CCDC171: variants seen among roughly 807,000 people sequenced by gnomAD.
CCDC171 encodes coiled-coil domain containing 171.
A neutral mutation model predicts 168.2 loss-of-function variants in CCDC171; 177 were observed. That is an observed-to-expected ratio of 1.05 (90% CI 0.93 to 1.19). The LOEUF (loss-of-function observed/expected upper bound fraction) is 1.19, where lower values mean the gene tolerates loss of function less well. CCDC171 is among the 50% of genes most tolerant of loss of function. The pLI, the probability that CCDC171 is intolerant of heterozygous loss-of-function variation, is 0.00. For synonymous variants in CCDC171, 687 were observed against 540.8 expected, an observed-to-expected ratio of 1.27 and a Z score of -3.75; for missense variants, 1,991 against 1,539.0, an observed-to-expected ratio of 1.29 and a Z score of -4.91.
At chr9:16,100,003 T>TAA in the CCDC171 span, among the ~76,000 whole-genome samples, 3,225 of 145,704 alleles carry the variant, frequency 0.022, 109 homozygotes, top group African/African-American at 0.077. Flanking sequence ...GCTTTCAAGT[T>TAA]AAAAAAAAAA....
intron 1 of CCDC171, among the ~76,000 whole-genome samples, chr9:16,053,422 G>A (rs1833783280): frequency 6.6e-6 from 1 of 152,248 alleles, no homozygotes; most frequent in Admixed American, 6.5e-5. Flanking sequence ...AGGCAAGTAA[G>A]GGCTCACATG....
At chr9:15,792,984 G>C (rs568010342) in intron 21 of CCDC171, among the ~76,000 whole-genome samples, 3 of 152,056 alleles carry the variant, frequency 2.0e-5, no homozygotes, top group Admixed American at 6.6e-5. Flanking sequence ...TATTAACCTT[G>C]AATGTAAATG....
chr9:15,761,293 A>T (rs2056433235), intron 18 of CCDC171, among the ~76,000 whole-genome samples: 1 of 152,168 alleles, frequency 6.6e-6, no homozygotes, highest in South Asian at 2.1e-4. Flanking sequence ...TTTCAAGCAA[A>T]CTAAGCCTAG....
At chr9:15,983,817 A>AGTGTGT (rs58951910) in intron 3 of CCDC171, among the ~76,000 whole-genome samples, 3,774 of 142,426 alleles carry the variant, frequency 0.026, 133 homozygotes, top group Admixed American at 0.096. Flanking sequence ...AAATAAAGAG[A>AGTGTGT]GTGTGTGTGT....
intron 6 of CCDC171, among the ~76,000 whole-genome samples, chr9:16,026,258 G>A (rs183052662): frequency 1.0e-3 from 159 of 152,242 alleles, no homozygotes; most frequent in African/African-American, 3.6e-3. Context: ...ACAGATACAC[G>A]TGGTGTTGGA....
chr9:15,724,341 A>G (rs978309651), intron 13 of CCDC171, among the ~76,000 whole-genome samples: 4 of 152,224 alleles, frequency 2.6e-5, no homozygotes, highest in African/African-American at 4.8e-5. Context: ...GGTTTAAGGA[A>G]TAAACAGTTC....
chr9:15,623,297 A>C lies in CCDC171; in HGVS notation c.706A>C (p.Lys236Gln). The change falls in exon 7 of 26, where the codon AAG becomes CAG. Residue 236 changes from lysine (K) to glutamine (Q), a missense_variant. Transcript: ENST00000380701. Reference sequence around the variant, plus strand: ...AGATACTGCTGTGCAAAATATGCATAAGAAAGTAGAAAAATTAGAAACAGA... The same window carrying C: ...AGATACTGCTGTGCAAAATATGCATCAGAAAGTAGAAAAATTAGAAACAGA... ...EQDTAVQNMH[K>Q]KVEKLETEHM... The C allele has an allele frequency of 6.3e-7, 1 of 1,599,084 alleles. No individual in the cohort carries two copies. Among genetic ancestry groups the C allele is most frequent in the Non-Finnish European group, 8.5e-7 (1 of 1,171,944 alleles).
At chr9:16,067,142 A>T in the CCDC171 span, among the ~76,000 whole-genome samples, 41 of 152,062 alleles carry the variant, frequency 2.7e-4, no homozygotes, top group Non-Finnish European at 4.4e-5. Context: ...TGACTTTTTA[A>T]TGATGGCCAT....
At chr9:16,053,257 G>C (rs1036336984) in intron 1 of CCDC171, among the ~76,000 whole-genome samples, 1 of 152,256 alleles carries the variant, frequency 6.6e-6, no homozygotes, top group African/African-American at 2.4e-5. Context: ...ATCAGCTTGA[G>C]CGTGGACCAG....
intron 21 of CCDC171, among the ~76,000 whole-genome samples, chr9:15,790,208 T>C (rs1361333034): frequency 1.3e-5 from 2 of 152,232 alleles, no homozygotes; most frequent in Non-Finnish European, 2.9e-5. Flanking sequence ...TAGTTTACAC[T>C]CCCACCAATG....
intron 1 of CCDC171, among the ~76,000 whole-genome samples, chr9:15,557,552 G>A (rs2038913618): frequency 6.6e-6 from 1 of 152,118 alleles, no homozygotes; most frequent in Non-Finnish European, 1.5e-5. Context: ...TGTTATTGGT[G>A]TATAAGAATG....
At chr9:15,673,553 A>C (rs563998816) in intron 9 of CCDC171, among the ~76,000 whole-genome samples, 18 of 152,304 alleles carry the variant, frequency 1.2e-4, no homozygotes, top group East Asian at 1.9e-4. Context: ...AGTTTTTAGC[A>C]TGAAGGGCTA....
intron 25 of CCDC171, among the ~76,000 whole-genome samples, chr9:15,931,982 C>T (rs949114544): frequency 1.3e-5 from 2 of 151,844 alleles, no homozygotes; most frequent in African/African-American, 4.8e-5. Context: ...ATGCCAGTAC[C>T]GTGCTGTTTT....
At chr9:15,605,063 T>C (rs2043122150) in intron 6 of CCDC171, among the ~76,000 whole-genome samples, 1 of 152,082 alleles carries the variant, frequency 6.6e-6, no homozygotes, top group Non-Finnish European at 1.5e-5. Flanking sequence ...GCCTGGTTAA[T>C]TTTTAAAATT....
intron 7 of CCDC171, among the ~76,000 whole-genome samples, chr9:15,651,864 G>C (rs187024920): frequency 9.2e-5 from 14 of 152,156 alleles, no homozygotes; most frequent in Non-Finnish European, 1.6e-4. Context: ...TTATGCTTGT[G>C]CTTTTGCTAT....
At chr9:15,859,298 T>C (rs985374468) in intron 23 of CCDC171, among the ~76,000 whole-genome samples, 3 of 152,068 alleles carry the variant, frequency 2.0e-5, no homozygotes, top group Non-Finnish European at 4.4e-5. Context: ...TAATATTTTG[T>C]TGAGGATTTT....
intron 4 of CCDC171, chr9:16,022,197 A>G (rs1833186164): frequency 6.6e-6 from 1 of 152,246 alleles, no homozygotes; most frequent in African/African-American, 2.4e-5. Flanking sequence ...CCGACATTGA[A>G]TCAAGAAAAA....
intron 4 of CCDC171, among the ~76,000 whole-genome samples, chr9:15,583,103 A>T (rs2041261807): frequency 6.6e-6 from 1 of 152,146 alleles, no homozygotes; most frequent in Non-Finnish European, 1.5e-5. Context: ...GGAGCCCATC[A>T]ACCAATGAGT....
rs140349584 is a variant in CCDC171 at position 15,577,098 on chromosome 9, T to A, written c.178-1751T>A. On this transcript the variant is annotated intron_variant, in intron 3 of 25. Coordinates refer to ENST00000380701, the MANE Select transcript of CCDC171 (RefSeq NM_173550.4). ...TACTTAATATCCAGCTGATAGCATC[T>A]TAACAGAAGAAACCTGGTGAAACTC... Among the ~76,000 whole-genome samples the A allele has an allele frequency of 6.8e-4, 104 of 152,344 alleles. 1 individual carries two copies. In the East Asian group the frequency reaches 0.015, roughly 22 times the overall value.
Sources: allele counts gnomAD v4.1 joint callset (sites outside exome capture counted in the v4.1 genomes callset), GRCh38; gene constraint gnomAD v4.1.1; transcripts MANE v1.5; gene names NCBI Gene and HGNC (gene_info 2026-07-23, HGNC 2026-07-21).